The following HRH2 variants were observed in gnomAD, a reference collection of about 807,000 sequenced individuals.
HRH2 encodes histamine H2 receptor.
HRH2 carries 4 observed loss-of-function variants against 20.1 expected under a neutral mutation model. That is an observed-to-expected ratio of 0.20 (90% CI 0.10 to 0.45). The LOEUF (loss-of-function observed/expected upper bound fraction) is 0.45. Ranked by LOEUF, HRH2 falls within the 20% of genes least tolerant of loss-of-function variation. The probability of loss-of-function intolerance (pLI) is 0.99; values close to 1 mark genes in which losing one functional copy is unlikely to be tolerated. For synonymous variants in HRH2, 197 were observed against 200.7 expected (o/e 0.98, Z 0.16); for missense variants, 250 against 461.6 (o/e 0.54, Z 4.20).
chr5:175,690,931 G>T (rs920180209), intron 2 of HRH2, among the ~76,000 whole-genome samples: 2 of 152,034 alleles, frequency 1.3e-5, no homozygotes, highest in Non-Finnish European at 2.9e-5. Context: ...TTCTTCCTTC[G>T]TCCCTTTCTT....
At chr5:175,698,572 T>G (rs1194527417) in intron 2 of HRH2, among the ~76,000 whole-genome samples, 1 of 152,190 alleles carries the variant, frequency 6.6e-6, no homozygotes, top group Non-Finnish European at 1.5e-5. Flanking sequence ...TTCTTGCCAG[T>G]CGCTTATTCA....
chr5:175,697,012 C>T (rs1032547060), intron 2 of HRH2, among the ~76,000 whole-genome samples: 2 of 152,188 alleles, frequency 1.3e-5, no homozygotes, highest in African/African-American at 2.4e-5. Context: ...TGTGTGACCT[C>T]GGTCAGGGCG....
chr5:175,688,737 C>A (rs1186905459), intron 2 of HRH2, among the ~76,000 whole-genome samples: 1 of 152,156 alleles, frequency 6.6e-6, no homozygotes, highest in African/African-American at 2.4e-5. Context: ...CAGTGCTAGC[C>A]CTACAGATAC....
At chr5:175,671,884 G>A (rs1561722677) in intron 1 of HRH2, among the ~76,000 whole-genome samples, 3 of 152,018 alleles carry the variant, frequency 2.0e-5, no homozygotes, top group African/African-American at 7.2e-5. Context: ...TGACTCATTG[G>A]CAAACACTTT....
At chr5:175,699,026 C>A (rs1756706323) in intron 2 of HRH2, among the ~76,000 whole-genome samples, 1 of 152,192 alleles carries the variant, frequency 6.6e-6, no homozygotes, top group Non-Finnish European at 1.5e-5. Flanking sequence ...GCCAGGCAAA[C>A]CCTCTGTGCT....
chr5:175,697,681 T>TC (rs1756648788), intron 2 of HRH2, among the ~76,000 whole-genome samples: 1 of 152,094 alleles, frequency 6.6e-6, no homozygotes, highest in East Asian at 1.9e-4. Context: ...TTCCTGACAC[T>TC]CCCCTGCTCT....
intron 1 of HRH2, among the ~76,000 whole-genome samples, chr5:175,675,635 G>A (rs80025079): frequency 1.0e-3 from 155 of 152,210 alleles, no homozygotes; most frequent in African/African-American, 3.6e-3. Context: ...GGACTGAGTG[G>A]ACCAAGCATC....
At chr5:175,706,477 GT>G (rs1258073584) in intron 2 of HRH2, among the ~76,000 whole-genome samples, 1 of 152,210 alleles carries the variant, frequency 6.6e-6, no homozygotes, top group Non-Finnish European at 1.5e-5. Context: ...AAGAAGGGAG[GT>G]GGTTATTTCC....
chr5:175,693,568 G>C lies in HRH2; in HGVS notation c.1076+9259G>C, dbSNP rs1245648877. Among the ~76,000 whole-genome samples the C allele has an allele frequency of 6.6e-6, 1 of 152,222 alleles. No homozygotes were observed. Among genetic ancestry groups the C allele is most frequent in the Non-Finnish European group, 1.5e-5 (1 of 68,042 alleles). Reference sequence around the variant, plus strand: ...GGTGGGTGGACTGGCTGTCCCCAGTGCCCAGAGGATTCAAGGAACTTCTCC... The same window carrying C: ...GGTGGGTGGACTGGCTGTCCCCAGTCCCCAGAGGATTCAAGGAACTTCTCC... On this transcript the variant is annotated intron_variant, in intron 2 of 2. Transcript: ENST00000636584. The surrounding 1 kb of genome is among the most constrained non-coding windows in gnomAD (Gnocchi z 4.4).
In HRH2 at chr5:175,677,571, A is replaced by T. The variant is rs1039538788; in HGVS notation, c.-525-5138A>T. 5.9e-5 allele frequency among the ~76,000 whole-genome samples: 9 copies of T among 152,158 alleles called. No individual in the cohort carries two copies. The highest frequency in any genetic ancestry group is 3.9e-4 in the Admixed American group (6 of 15,272). On this transcript the variant is annotated intron_variant, in intron 1 of 2. Transcript: ENST00000636584. This position sits in a 1 kb window ranked among gnomAD's most constrained non-coding sequence, Gnocchi z 4.2. ...TGGAGAGGCTTGTCTTCCTTGCAACACTAAAATAACTCCCTGCTTCCTTGC... is the reference window on the plus strand; with the variant it reads ...TGGAGAGGCTTGTCTTCCTTGCAACTCTAAAATAACTCCCTGCTTCCTTGC...
At chr5:175,692,223 C>A (rs1354119671) in intron 2 of HRH2, among the ~76,000 whole-genome samples, 1 of 152,244 alleles carries the variant, frequency 6.6e-6, no homozygotes, top group Non-Finnish European at 1.5e-5. Context: ...ACAGCCCGTA[C>A]ATAAATGGAT....
At chr5:175,674,882 A>G (rs922260753) in intron 1 of HRH2, among the ~76,000 whole-genome samples, 1 of 152,230 alleles carries the variant, frequency 6.6e-6, no homozygotes, top group African/African-American at 2.4e-5. Context: ...GACACCTGCA[A>G]CCACAAAGAT....
At position 175,693,255 on chromosome 5, in the gene HRH2, A is replaced by AG. The variant is rs1363956361; in HGVS notation, c.1076+8951dup. On this transcript the variant is annotated intron_variant, in intron 2 of 2. Transcript: ENST00000636584. The surrounding 1 kb of genome is among the most constrained non-coding windows in gnomAD (Gnocchi z 4.4). Reference sequence around the variant, plus strand: ...TGTGGCAGAGCATTCAGAGGGTGGAAGGGGGTGTGCCTGCATTGCAGGGTG... The same window carrying AG: ...TGTGGCAGAGCATTCAGAGGGTGGAAGGGGGGTGTGCCTGCATTGCAGGGTG... 6.6e-6 allele frequency among the ~76,000 whole-genome samples: 1 copy of AG among 152,168 alleles called. No homozygotes were observed.
At chr5:175,697,004 T>C (rs1317537672) in intron 2 of HRH2, among the ~76,000 whole-genome samples, 1 of 152,170 alleles carries the variant, frequency 6.6e-6, no homozygotes, top group African/African-American at 2.4e-5. Flanking sequence ...TCACCAGCTG[T>C]GTGACCTCGG....
chr5:175,685,705 G>C, intron 2 of HRH2: 1 of 591,314 alleles, frequency 1.7e-6, no homozygotes, highest in South Asian at 2.1e-5. Flanking sequence ...CCCTCACCGG[G>C]CTTCCTACTT....
At chr5:175,671,666 C>A (rs1489979119) in intron 1 of HRH2, among the ~76,000 whole-genome samples, 5 of 152,158 alleles carry the variant, frequency 3.3e-5, no homozygotes, top group Admixed American at 6.5e-5. Context: ...AAGAAACCCA[C>A]AAAATTGCAA....
intron 1 of HRH2, among the ~76,000 whole-genome samples, chr5:175,679,823 T>C (rs1246610327): frequency 6.6e-6 from 1 of 152,038 alleles, no homozygotes; most frequent in Non-Finnish European, 1.5e-5. Flanking sequence ...GATGCTGGAG[T>C]GCTGGATGAG....
At chr5:175,678,325 T>C (rs1006284929) in intron 1 of HRH2, among the ~76,000 whole-genome samples, 1 of 152,186 alleles carries the variant, frequency 6.6e-6, no homozygotes, top group Non-Finnish European at 1.5e-5. Flanking sequence ...ATGACAAAAG[T>C]GTTATTGGTA....
chr5:175,685,762 A>G (rs1282333300), intron 2 of HRH2: 1 of 524,328 alleles, frequency 1.9e-6, no homozygotes, highest in Non-Finnish European at 3.4e-6. Context: ...GGACATGAAC[A>G]TGCTCTGCCA....
Sources: gnomAD v4.1 joint callset for allele counts (sites outside exome capture counted in the v4.1 genomes callset) on GRCh38, gnomAD v4.1.1 for gene constraint, Gnocchi (gnomAD v3.1) non-coding constraint, MANE v1.5 for transcripts, NCBI Gene and HGNC (gene_info 2026-07-23, HGNC 2026-07-21) for gene names.